The following TMPRSS11E variants were observed in gnomAD, a reference collection of about 807,000 sequenced individuals.
The protein encoded by TMPRSS11E is transmembrane protease serine 11E.
TMPRSS11E carries 38 observed loss-of-function variants against 48.1 expected under a neutral mutation model. The ratio of observed to expected loss-of-function variants is 0.79; its 90% CI spans 0.61 to 1.04. The LOEUF (loss-of-function observed/expected upper bound fraction) is 1.04, where lower values mean the gene tolerates loss of function less well. Ranked by LOEUF, TMPRSS11E falls within the 50% of genes least tolerant of loss-of-function variation. TMPRSS11E has a pLI of 0.00. For synonymous variants in TMPRSS11E, 158 were observed against 171.9 expected (o/e 0.92, Z 0.63); for missense variants, 530 against 510.8 (o/e 1.04, Z -0.36).
chr4:68,469,490 T>TA (rs1207246214), intron 4 of TMPRSS11E, among the ~76,000 whole-genome samples: 3 of 151,986 alleles, frequency 2.0e-5, no homozygotes, highest in Non-Finnish European at 4.4e-5. Flanking sequence ...TTATTTGTAT[T>TA]AAAAAACAGA....
chr4:68,467,647 T>C (rs776098472), intron 3 of TMPRSS11E, among the ~76,000 whole-genome samples: 4 of 152,152 alleles, frequency 2.6e-5, no homozygotes, highest in Non-Finnish European at 5.9e-5. Context: ...CCAGTTCCAA[T>C]AACCTGAATA....
At chr4:68,462,505 C>A (rs1382466484) in intron 2 of TMPRSS11E, among the ~76,000 whole-genome samples, 1 of 151,672 alleles carries the variant, frequency 6.6e-6, no homozygotes, top group East Asian at 1.9e-4. Flanking sequence ...ATCACTTGAA[C>A]CCAGGAGGCG....
chr4:68,468,786 TTTG>T (rs1236473670), intron 3 of TMPRSS11E, 90 bp from the exon 4 acceptor site: 5 of 981,572 alleles, frequency 5.1e-6, no homozygotes, highest in Non-Finnish European at 8.2e-6. Flanking sequence ...TTTGCTCTGT[TTTG>T]TTTTTTAATT....
At chr4:68,473,775 A>G (rs1332373055) in intron 5 of TMPRSS11E, among the ~76,000 whole-genome samples, 1 of 152,112 alleles carries the variant, frequency 6.6e-6, no homozygotes, top group East Asian at 1.9e-4. Context: ...AGCTTGAGAT[A>G]GAGAACAGGT....
At chr4:68,478,291 G>A (rs1729294308) in intron 8 of TMPRSS11E, among the ~76,000 whole-genome samples, 1 of 151,208 alleles carries the variant, frequency 6.6e-6, no homozygotes, top group African/African-American at 2.4e-5. Context: ...CAGTGATTGG[G>A]ACTACAGGTG....
chr4:68,477,518 C>A lies in TMPRSS11E; in HGVS notation c.857C>A (p.Pro286His). Residue 286 changes from proline (P) to histidine (H), a missense_variant, in exon 8 of 10, where the codon CCT (proline) becomes CAT (histidine). Transcript: ENST00000305363. ...YDISLAELSS[P>H]VPYTNAVHRV... ...ATTTCTCTTGCAGAGCTTTCTAGCCCTGTTCCCTACACAAATGCAGTACAT... is the reference window on the plus strand; with the variant it reads ...ATTTCTCTTGCAGAGCTTTCTAGCCATGTTCCCTACACAAATGCAGTACAT... 1 of 1,614,034 alleles carries A rather than the reference C, an allele frequency of 6.2e-7. No homozygotes were observed.
intron 5 of TMPRSS11E, among the ~76,000 whole-genome samples, chr4:68,473,185 C>A (rs1161052911): frequency 6.6e-6 from 1 of 152,034 alleles, no homozygotes; most frequent in African/African-American, 2.4e-5. Flanking sequence ...CTGGATTTCC[C>A]TATCTTTCTC....
intron 1 of TMPRSS11E, 71 bp downstream of exon 1, chr4:68,447,594 C>A (rs1212917432): frequency 5.6e-6 from 7 of 1,254,668 alleles, no homozygotes; most frequent in Non-Finnish European, 8.0e-6. Flanking sequence ...TGAGCCACAC[C>A]AAGGAATGTG....
intron 1 of TMPRSS11E, among the ~76,000 whole-genome samples, chr4:68,453,391 G>A (rs561936397): frequency 6.6e-6 from 1 of 151,896 alleles, no homozygotes; most frequent in African/African-American, 2.4e-5. Context: ...GCTGTTTGAT[G>A]CCTAAGCCCA....
In TMPRSS11E at chr4:68,468,910, G is replaced by A. The variant is rs762802853; in HGVS notation, c.290G>A (p.Arg97Lys). The A allele has an allele frequency of 1.2e-6, 2 of 1,611,224 alleles. No homozygotes were observed. Among genetic ancestry groups the A allele is most frequent in the South Asian group, 1.1e-5 (1 of 90,972 alleles). ...VKNAFYKSPLREEFVKSQVIK... is the reference protein window; with the variant it reads ...VKNAFYKSPLKEEFVKSQVIK... ...AATGCATTTTATAAATCTCCATTAAGGGAAGAATTTGTCAAGTCTCAGGTT... is the reference window on the plus strand; with the variant it reads ...AATGCATTTTATAAATCTCCATTAAAGGAAGAATTTGTCAAGTCTCAGGTT... Residue 97 changes from arginine to lysine, a missense_variant, in exon 4 of 10, where the codon AGG becomes AAG. Coordinates refer to ENST00000305363, the MANE Select transcript of TMPRSS11E (RefSeq NM_014058.4).
chr4:68,492,341 A>T (rs2109723865), intron 9 of TMPRSS11E, among the ~76,000 whole-genome samples: 1 of 152,346 alleles, frequency 6.6e-6, no homozygotes, highest in African/African-American at 2.4e-5. Context: ...GCATGCACAG[A>T]GTGGCAAAAT....
chr4:68,467,535 C>A (rs916453208), intron 3 of TMPRSS11E, among the ~76,000 whole-genome samples: 2 of 152,160 alleles, frequency 1.3e-5, no homozygotes, highest in Non-Finnish European at 2.9e-5. Flanking sequence ...ATGGTATCTA[C>A]TAGGTAATGA....
intron 9 of TMPRSS11E, among the ~76,000 whole-genome samples, chr4:68,486,946 T>C (rs949011372): frequency 1.3e-5 from 2 of 152,172 alleles, no homozygotes; most frequent in East Asian, 1.9e-4. Context: ...TAGCAACCCC[T>C]GTTCTTTTTT....
chr4:68,460,959 C>T (rs1296167261), intron 1 of TMPRSS11E, among the ~76,000 whole-genome samples: 2 of 151,474 alleles, frequency 1.3e-5, no homozygotes, highest in African/African-American at 4.9e-5. Flanking sequence ...TAGCTCACTC[C>T]AAGCTCCGCC....
rs550084693 is a variant in TMPRSS11E, at chr4:68,476,244, C to A, written c.530-17C>A. 8 of 1,613,466 alleles carry A rather than the reference C, an allele frequency of 5.0e-6. No individual in the cohort carries two copies. The African/African-American group carries it at 9.3e-5, about 19-fold the overall frequency. On this transcript the variant is annotated splice_polypyrimidine_tract_variant and intron_variant, in intron 6 of 9. Coordinates refer to ENST00000305363, the MANE Select transcript of TMPRSS11E (RefSeq NM_014058.4). ...ATTAATGCACCCACCAATGCACCCCCCCTCTCTCTTTTGCAGGCTGCGGAA... is the reference window on the plus strand; with the variant it reads ...ATTAATGCACCCACCAATGCACCCCACCTCTCTCTTTTGCAGGCTGCGGAA...
intron 1 of TMPRSS11E, among the ~76,000 whole-genome samples, chr4:68,448,776 CAA>C (rs1728414896): frequency 6.6e-6 from 1 of 151,752 alleles, no homozygotes; most frequent in Non-Finnish European, 1.5e-5. Flanking sequence ...AACCATCTAA[CAA>C]ACAAAAACGT....
intron 1 of TMPRSS11E, among the ~76,000 whole-genome samples, chr4:68,459,353 CT>C (rs919097694): frequency 7.3e-5 from 11 of 151,708 alleles, no homozygotes; most frequent in Non-Finnish European, 1.5e-4. Context: ...CTCTCGCTCT[CT>C]TTTTTTTAAT....
At chr4:68,456,253 C>T (rs1406701) in intron 1 of TMPRSS11E, among the ~76,000 whole-genome samples, 78,518 of 151,610 alleles carry the variant, frequency 0.52, 21,335 homozygotes, top group Non-Finnish European at 0.61. Context: ...GTTGGCTAAA[C>T]AGAAATAGTT....
At chr4:68,487,426 A>AT (rs1729588971) in intron 9 of TMPRSS11E, among the ~76,000 whole-genome samples, 1 of 151,866 alleles carries the variant, frequency 6.6e-6, no homozygotes, top group Non-Finnish European at 1.5e-5. Flanking sequence ...CTAATTTTGT[A>AT]TTTTTAGTAG....
Sources: gnomAD v4.1 joint callset for allele counts (sites outside exome capture counted in the v4.1 genomes callset) on GRCh38, gnomAD v4.1.1 for gene constraint, MANE v1.5 for transcripts, NCBI Gene and HGNC (gene_info 2026-07-23, HGNC 2026-07-21) for gene names.